PBX3: variants seen among roughly 807,000 people sequenced by gnomAD.
PBX3 encodes PBX homeobox 3, also known as pre-B-cell leukemia transcription factor 3.
Under a neutral mutation model 48.5 loss-of-function variants are expected in PBX3, and 14 were observed. The observed-to-expected ratio is 0.29, with a 90% CI of 0.19 to 0.45. The LOEUF (loss-of-function observed/expected upper bound fraction) is 0.45, where lower values mean the gene tolerates loss of function less well. Among genes scored for constraint, PBX3 ranks in the 20% least tolerant of loss-of-function variants. The probability of loss-of-function intolerance (pLI) is 1.00; values close to 1 mark genes in which losing one functional copy is unlikely to be tolerated. For synonymous variants in PBX3, 210 were observed against 200.3 expected (o/e 1.05, Z -0.41); for missense variants, 386 against 546.7 (o/e 0.71, Z 2.93).
intron 2 of PBX3, among the ~76,000 whole-genome samples, chr9:125,791,297 G>GTCTGTCTA (rs1337203989): frequency 7.8e-6 from 1 of 127,980 alleles, no homozygotes; most frequent in East Asian, 2.3e-4. Context: ...CTGTCTGTCT[G>GTCTGTCTA]TCTGTCTATC....
chr9:125,931,838 G>T (rs1841723254), intron 4 of PBX3, among the ~76,000 whole-genome samples: 1 of 152,106 alleles, frequency 6.6e-6, no homozygotes, highest in African/African-American at 2.4e-5. Context: ...GAGAGAAAAT[G>T]GAGAGGGTAC....
chr9:125,796,875 CAT>C (rs910886956), intron 2 of PBX3, among the ~76,000 whole-genome samples: 18 of 151,982 alleles, frequency 1.2e-4, no homozygotes, highest in African/African-American at 4.1e-4. Context: ...CACACACACA[CAT>C]ATTTCCTAAT....
intron 2 of PBX3, chr9:125,844,809 C>T (rs1839385192): frequency 6.6e-6 from 1 of 152,094 alleles, no homozygotes; most frequent in African/African-American, 2.4e-5. Flanking sequence ...TCCAGGAACA[C>T]TAAACCTTGA....
intron 2 of PBX3, among the ~76,000 whole-genome samples, chr9:125,899,317 ATTT>A (rs201816904): frequency 1.8e-5 from 2 of 109,090 alleles, no homozygotes; most frequent in Admixed American, 1.0e-4. Flanking sequence ...ATATGTATAT[ATTT>A]TTATATAAAT....
At chr9:125,753,790 G>A (rs1401409491) in intron 2 of PBX3, among the ~76,000 whole-genome samples, 2 of 151,890 alleles carry the variant, frequency 1.3e-5, no homozygotes, top group South Asian at 2.1e-4. Context: ...CTGGTTGATC[G>A]GCTTTCATAA....
chr9:125,929,315 G>A (rs994992240), intron 3 of PBX3, among the ~76,000 whole-genome samples: 1 of 152,306 alleles, frequency 6.6e-6, no homozygotes, highest in Middle Eastern at 3.4e-3. Flanking sequence ...GAGAAAATAG[G>A]TGGTACTTAG....
At chr9:125,957,644 ATGTAT>A (rs368778199) in intron 5 of PBX3, among the ~76,000 whole-genome samples, 151 of 152,354 alleles carry the variant, frequency 9.9e-4, no homozygotes, top group African/African-American at 3.4e-3. Flanking sequence ...GGTTTCATTA[ATGTAT>A]TATAGCTTCT....
At chr9:125,929,315 G>T (rs994992240) in intron 3 of PBX3, among the ~76,000 whole-genome samples, 2 of 152,188 alleles carry the variant, frequency 1.3e-5, no homozygotes, top group South Asian at 4.1e-4. Context: ...GAGAAAATAG[G>T]TGGTACTTAG....
chr9:125,925,417 A>G (rs1841552939), intron 3 of PBX3, among the ~76,000 whole-genome samples: 2 of 152,050 alleles, frequency 1.3e-5, no homozygotes, highest in South Asian at 4.1e-4. Context: ...GGAATGAAAT[A>G]CCTCATTAAC....
intron 5 of PBX3, among the ~76,000 whole-genome samples, chr9:125,959,241 G>C (rs1054693174): frequency 7.2e-5 from 11 of 152,208 alleles, no homozygotes. Flanking sequence ...AGTCTTCTAG[G>C]GGGAAAAAAT....
intron 1 of PBX3, among the ~76,000 whole-genome samples, chr9:125,747,904 C>T (rs988588419): frequency 6.6e-6 from 1 of 151,872 alleles, no homozygotes; most frequent in African/African-American, 2.4e-5. Flanking sequence ...GTCCTTTCCC[C>T]CGTCCTGCCC....
chr9:125,766,220 C>T (rs1285888047), intron 2 of PBX3, among the ~76,000 whole-genome samples: 1 of 151,972 alleles, frequency 6.6e-6, no homozygotes, highest in Non-Finnish European at 1.5e-5. Flanking sequence ...AAATCTGATA[C>T]TATATTCTTC....
intron 2 of PBX3, among the ~76,000 whole-genome samples, chr9:125,907,240 T>C (rs1270777118): frequency 6.6e-6 from 1 of 152,002 alleles, no homozygotes; most frequent in East Asian, 1.9e-4. Context: ...CAAAATAATG[T>C]CAACACAACG....
intron 2 of PBX3, chr9:125,748,906 C>T (rs927284603): frequency 6.4e-6 from 2 of 313,494 alleles, no homozygotes; most frequent in African/African-American, 4.2e-5. Context: ...GAGCGCCAGC[C>T]GCCCTCTTCC....
At chr9:125,831,785 A>T (rs866420200) in intron 2 of PBX3, among the ~76,000 whole-genome samples, 2 of 152,130 alleles carry the variant, frequency 1.3e-5, no homozygotes, top group South Asian at 4.1e-4. Context: ...AACCCCTTCA[A>T]GTTGGCTCCT....
chr9:125,780,043 G>A (rs1837210707), intron 2 of PBX3, among the ~76,000 whole-genome samples: 1 of 141,578 alleles, frequency 7.1e-6, no homozygotes, highest in Non-Finnish European at 1.6e-5. Flanking sequence ...TCCCGGACGG[G>A]GCGGCTGGCC....
chr9:125,770,706 G>A (rs1467172402), intron 2 of PBX3, among the ~76,000 whole-genome samples: 1 of 152,152 alleles, frequency 6.6e-6, no homozygotes, highest in Non-Finnish European at 1.5e-5. Context: ...AGACTTGGAA[G>A]CTGGGAAGCT....
At chr9:125,816,004 C>G (rs1379037064) in intron 2 of PBX3, among the ~76,000 whole-genome samples, 1 of 152,042 alleles carries the variant, frequency 6.6e-6, no homozygotes. Flanking sequence ...CCGTCTCTCT[C>G]TCTCTCTTTT....
intron 3 of PBX3, among the ~76,000 whole-genome samples, chr9:125,926,078 A>G (rs937761103): frequency 2.3e-4 from 35 of 152,246 alleles, no homozygotes; most frequent in African/African-American, 6.3e-4. Flanking sequence ...TGTTTTACTG[A>G]TGAGAAAACT....
Sources: gnomAD v4.1 joint callset for allele counts (sites outside exome capture counted in the v4.1 genomes callset) on GRCh38, gnomAD v4.1.1 for gene constraint, MANE v1.5 for transcripts, NCBI Gene and HGNC (gene_info 2026-07-23, HGNC 2026-07-21) for gene names.